Variants in SGCZ observed in about 807,000 individuals in gnomAD.
SGCZ encodes sarcoglycan zeta.
A neutral mutation model predicts 41.3 loss-of-function variants in SGCZ; 40 were observed. That is an observed-to-expected ratio of 0.97 (90% CI 0.75 to 1.26). SGCZ has a LOEUF of 1.26. Among genes scored for constraint, SGCZ ranks in the 50% most tolerant of loss-of-function variants. SGCZ has a pLI of 0.00. For missense variants in SGCZ, 552 were observed against 369.8 expected, an observed-to-expected ratio of 1.49 and a Z score of -4.04; for synonymous variants, 206 against 137.5, an observed-to-expected ratio of 1.50 and a Z score of -3.49.
At chr8:14,390,219 G>C (rs10105573) in intron 2 of SGCZ, among the ~76,000 whole-genome samples, 4,334 of 151,852 alleles carry the variant, frequency 0.029, 212 homozygotes, top group African/African-American at 0.097. Flanking sequence ...CTAGCAATAA[G>C]TAATAATCAT....
At chr8:14,556,274 T>A (rs117956750) in intron 1 of SGCZ, among the ~76,000 whole-genome samples, 4,296 of 151,798 alleles carry the variant, frequency 0.028, 81 homozygotes, top group Non-Finnish European at 0.041. Flanking sequence ...GCTTTTATAC[T>A]TATTAAATGA....
intron 4 of SGCZ, among the ~76,000 whole-genome samples, chr8:14,188,259 A>T (rs1871097): frequency 0.75 from 113,401 of 152,088 alleles, 43,131 homozygotes; most frequent in African/African-American, 0.88. Flanking sequence ...TAGTAAAGAG[A>T]GTTATACCAG....
At chr8:14,969,475 T>C (rs1375603767) in intron 1 of SGCZ, among the ~76,000 whole-genome samples, 3 of 152,092 alleles carry the variant, frequency 2.0e-5, no homozygotes, top group Non-Finnish European at 4.4e-5. Context: ...AGAAAATCCA[T>C]CACCTCCAGG....
At chr8:14,245,451 G>A (rs1445385905) in intron 3 of SGCZ, among the ~76,000 whole-genome samples, 1 of 152,184 alleles carries the variant, frequency 6.6e-6, no homozygotes, top group East Asian at 1.9e-4. Context: ...CATTCAAGAT[G>A]GATTAAAGAC....
At chr8:14,581,437 G>T (rs1220662563) in intron 1 of SGCZ, among the ~76,000 whole-genome samples, 2 of 150,886 alleles carry the variant, frequency 1.3e-5, no homozygotes, top group Non-Finnish European at 3.0e-5. Context: ...TTTTTTGTTT[G>T]TTTGTTTTTT....
intron 1 of SGCZ, among the ~76,000 whole-genome samples, chr8:15,065,895 G>C (rs556619195): frequency 1.5e-4 from 23 of 152,242 alleles, no homozygotes; most frequent in Non-Finnish European, 2.9e-4. Flanking sequence ...TTGAAATTTT[G>C]TTTCACATAT....
chr8:14,152,017 A>G (rs561609193), intron 5 of SGCZ, among the ~76,000 whole-genome samples: 1 of 152,268 alleles, frequency 6.6e-6, no homozygotes, highest in African/African-American at 2.4e-5. Context: ...TGCTATGTAG[A>G]GTTAGGCACA....
intron 1 of SGCZ, among the ~76,000 whole-genome samples, chr8:14,586,315 G>C (rs1195012756): frequency 6.6e-6 from 1 of 152,050 alleles, no homozygotes; most frequent in Non-Finnish European, 1.5e-5. Context: ...CTGGGCTCAA[G>C]TGATTCTTGT....
At chr8:14,460,362 A>C (rs1476031278) in intron 2 of SGCZ, among the ~76,000 whole-genome samples, 1 of 152,180 alleles carries the variant, frequency 6.6e-6, no homozygotes, top group Non-Finnish European at 1.5e-5. Flanking sequence ...TAAAACATTC[A>C]CACGATATTT....
At chr8:14,204,046 T>C (rs1193649992) in intron 4 of SGCZ, among the ~76,000 whole-genome samples, 2 of 152,090 alleles carry the variant, frequency 1.3e-5, no homozygotes, top group African/African-American at 2.4e-5. Flanking sequence ...GCCTGGTGCA[T>C]GTTGGAAATG....
rs1163097493 is a variant in SGCZ, at chr8:14,087,631, T to C, written c.*2812A>G. ...ATTTATATAAGTAAACTGCATTTTA[T>C]TTATACATATTGTAACATAAAGATG... On this transcript the variant is annotated 3_prime_UTR_variant, in exon 8 of 8. Coordinates refer to ENST00000382080, the MANE Select transcript of SGCZ (RefSeq NM_139167.4). 6.6e-6 allele frequency among the ~76,000 whole-genome samples: 1 copy of C among 151,660 alleles called. No individual in the cohort carries two copies. The highest frequency in any genetic ancestry group is 1.5e-5 in the Non-Finnish European group (1 of 67,760).
intron 3 of SGCZ, among the ~76,000 whole-genome samples, chr8:14,268,957 C>A (rs1163370237): frequency 1.3e-5 from 2 of 151,284 alleles, no homozygotes; most frequent in Admixed American, 1.3e-4. Context: ...ATCTTAAGTG[C>A]CATTACAGGC....
intron 1 of SGCZ, among the ~76,000 whole-genome samples, chr8:14,910,236 C>CCCCT (rs1799243885): frequency 6.6e-6 from 1 of 151,942 alleles, no homozygotes; most frequent in East Asian, 1.9e-4. Flanking sequence ...AAGGATAATT[C>CCCCT]CCAGTTGGTT....
chr8:15,208,212 G>C (rs948785429), intron 1 of SGCZ, among the ~76,000 whole-genome samples: 2 of 152,180 alleles, frequency 1.3e-5, no homozygotes, highest in Non-Finnish European at 2.9e-5. Flanking sequence ...CTCAGGGTTT[G>C]CTGGAAAACG....
At chr8:14,800,801 T>C (rs1388194326) in intron 1 of SGCZ, among the ~76,000 whole-genome samples, 1 of 152,104 alleles carries the variant, frequency 6.6e-6, no homozygotes, top group Non-Finnish European at 1.5e-5. Flanking sequence ...TTTATAGCAA[T>C]GTAAGAACAG....
At chr8:15,069,673 A>T (rs893875452) in intron 1 of SGCZ, among the ~76,000 whole-genome samples, 1 of 152,208 alleles carries the variant, frequency 6.6e-6, no homozygotes, top group Non-Finnish European at 1.5e-5. Flanking sequence ...CTTTATTCCA[A>T]ACTTACAGTC....
intron 1 of SGCZ, among the ~76,000 whole-genome samples, chr8:14,681,699 C>G (rs1808450876): frequency 6.6e-6 from 1 of 152,016 alleles, no homozygotes; most frequent in African/African-American, 2.4e-5. Flanking sequence ...ATAATTATGT[C>G]CCTGATTATT....
chr8:14,325,745 CACATATATATATATATATATATATAT>C (rs1363078237), intron 2 of SGCZ, among the ~76,000 whole-genome samples: 70 of 25,506 alleles, frequency 2.7e-3, no homozygotes, highest in South Asian at 7.7e-3. Flanking sequence ...CACACACACA[CACATATATATATATATATATATATAT>C]ATATATATAT....
chr8:15,071,561 A>G (rs1180150283), intron 1 of SGCZ, among the ~76,000 whole-genome samples: 1 of 152,204 alleles, frequency 6.6e-6, no homozygotes, highest in South Asian at 2.1e-4. Flanking sequence ...TCTTTACCCT[A>G]GTCTGAAAGG....
Sources: gnomAD v4.1 joint callset for allele counts (sites outside exome capture counted in the v4.1 genomes callset) on GRCh38, gnomAD v4.1.1 for gene constraint, MANE v1.5 for transcripts, NCBI Gene and HGNC (gene_info 2026-07-23, HGNC 2026-07-21) for gene names.